Variants in DMRTC2 observed in about 807,000 individuals in gnomAD.
DMRTC2 encodes the protein doublesex- and mab-3-related transcription factor C2.
A neutral mutation model predicts 39.9 loss-of-function variants in DMRTC2; 13 were observed. The observed-to-expected ratio is 0.33, with a 90% CI of 0.21 to 0.52. The LOEUF (loss-of-function observed/expected upper bound fraction) is 0.52, where lower values mean the gene tolerates loss of function less well. DMRTC2 is among the 20% of genes least tolerant of loss of function. The pLI is 0.96. For synonymous variants in DMRTC2, 189 were observed against 185.2 expected (o/e 1.02, Z -0.17); for missense variants, 431 against 472.8 (o/e 0.91, Z 0.82).
At position 41,851,645 on chromosome 19, in the gene DMRTC2, C is replaced by T. The variant is rs782737579; in HGVS notation, c.1053C>T (p.Pro351=). 3.1e-6 allele frequency: 5 copies of T among 1,614,204 alleles called. 1 individual carries two copies. In the South Asian group the frequency reaches 5.5e-5, roughly 18 times the overall value. Residue 351 remains proline (P), a synonymous_variant, in exon 9 of 9, where the codon CCC becomes CCT. Transcript: ENST00000269945. ...VGPCLRPSPA[P]SVALHIGRLG... is the part of the protein sequence containing the mutation. ...CCTGTCTTCGACCCAGCCCAGCCCC[C>T]TCTGTTGCTCTGCATATTGGCCGTC...
intron 6 of DMRTC2, among the ~76,000 whole-genome samples, chr19:41,849,673 A>G (rs928422195): frequency 6.6e-6 from 1 of 152,202 alleles, no homozygotes; most frequent in African/African-American, 2.4e-5. Context: ...AAGCTTCCCA[A>G]AGGTGAGCCA....
rs1385503409 is a variant in DMRTC2 at position 41,846,117 on chromosome 19, A to G, written c.-5+1016A>G. The stretch of plus-strand genomic sequence containing the variant: ...AGGGGTACAAGAACAAAATAAGACT[A>G]AAGGAATGCAAGGAGGCAGTTGCTT... On this transcript the variant is annotated intron_variant, in intron 1 of 8. Coordinates refer to ENST00000269945, the MANE Select transcript of DMRTC2 (RefSeq NM_001040283.3). Among the ~76,000 whole-genome samples the G allele has an allele frequency of 3.3e-5, 5 of 152,226 alleles. No homozygotes were observed. In the East Asian group the frequency reaches 9.6e-4, roughly 29 times the overall value.
Position 41,849,208 on chromosome 19 carries a change from C to T in DMRTC2, c.707C>T (p.Thr236Ile). 3 of 1,614,202 alleles carry T rather than the reference C, an allele frequency of 1.9e-6. No homozygotes were observed. The highest frequency in any genetic ancestry group is 2.5e-6 in the Non-Finnish European group (3 of 1,180,026). ...TTCPGSHPVL[T>I]APLSGEPQGP... ...TGCCCAGGATCTCACCCAGTACTGA[C>T]AGCTCCTCTTTCTGGAGAGCCCCAA... The change falls in exon 6 of 9, where the codon ACA (threonine) becomes ATA (isoleucine). Residue 236 changes from threonine (T) to isoleucine (I), a missense_variant. Coordinates refer to ENST00000269945, the MANE Select transcript of DMRTC2 (RefSeq NM_001040283.3).
intron 3 of DMRTC2, among the ~76,000 whole-genome samples, chr19:41,848,113 T>A (rs782503842): frequency 6.6e-6 from 1 of 152,128 alleles, no homozygotes; most frequent in Non-Finnish European, 1.5e-5. Flanking sequence ...TTTGGGAGGC[T>A]GAGGCAGGCA....
chr19:41,850,656 C>A lies in DMRTC2; in HGVS notation c.947C>A (p.Pro316His). Reference sequence around the variant, plus strand: ...CCTCGTGTGACCCCTTCTGTGCCCCCCAACCCTGCCTGGATCTCCCTGCTT... The same window carrying A: ...CCTCGTGTGACCCCTTCTGTGCCCCACAACCCTGCCTGGATCTCCCTGCTT... Reference protein sequence around the residue: ...QAPRVTPSVPPNPAWISLLHP... With the variant: ...QAPRVTPSVPHNPAWISLLHP... The change falls in exon 8 of 9, where the codon CCC (proline) becomes CAC (histidine). Residue 316 changes from proline (P) to histidine (H), a missense_variant. Pro to His is a moderately conservative substitution (Grantham distance 77). Coordinates refer to ENST00000269945, the MANE Select transcript of DMRTC2 (RefSeq NM_001040283.3). 1.2e-6 allele frequency: 2 copies of A among 1,606,912 alleles called. No homozygotes were observed. The highest frequency in any genetic ancestry group is 2.2e-5 in the South Asian group (2 of 90,288).
At position 41,850,296 on chromosome 19, in the gene DMRTC2, C is replaced by T. The variant is rs2073934956; in HGVS notation, c.756-16C>T. On this transcript the variant is annotated splice_polypyrimidine_tract_variant and intron_variant, in intron 6 of 8. Transcript: ENST00000269945. ...ATCTGTTTAACCACCCTGGCATCTT[C>T]TCTCCTTGTTTCTAGACACTCAACT... The T allele has an allele frequency of 6.7e-7, 1 of 1,484,034 alleles. No individual in the cohort carries two copies. The highest frequency in any genetic ancestry group is 1.5e-5 in the South Asian group (1 of 68,936). 91.9% of individuals were successfully genotyped at this position (1,484,034 alleles called of 1,614,324 possible).
At chr19:41,849,362 G>A (rs1555836850) in intron 6 of DMRTC2, 106 bp downstream of exon 6, 14 of 1,491,136 alleles carry the variant, frequency 9.4e-6, no homozygotes, top group Admixed American at 2.1e-5. Flanking sequence ...AAAGGTCTCT[G>A]ACTAATAGGC....
Position 41,847,551 on chromosome 19 carries a change from C to T in DMRTC2, c.123C>T (p.Thr41=). ...IPRRAISRSP[T]CARCRNHGVT... is the part of the protein sequence containing the mutation. ...GGAGAGCCATCAGCCGCTCTCCAAC[C>T]TGCGCCCGCTGCCGCAACCATGGTG... The change falls in exon 2 of 9, where the codon ACC becomes ACT. Residue 41 remains threonine, a synonymous_variant. Coordinates refer to ENST00000269945, the MANE Select transcript of DMRTC2 (RefSeq NM_001040283.3). The T allele has an allele frequency of 1.2e-6, 2 of 1,614,242 alleles. No individual in the cohort carries two copies. The highest frequency in any genetic ancestry group is 1.1e-5 in the South Asian group (1 of 91,088).
At chr19:41,845,796 C>T (rs1243732528) in intron 1 of DMRTC2, among the ~76,000 whole-genome samples, 1 of 152,112 alleles carries the variant, frequency 6.6e-6, no homozygotes, top group Non-Finnish European at 1.5e-5. Flanking sequence ...TACTGCACTA[C>T]AGCCTGGGCT....
chr19:41,848,998 A>T, intron 5 of DMRTC2, 23 bp downstream of exon 5: 1 of 1,613,804 alleles, frequency 6.2e-7, no homozygotes, highest in Non-Finnish European at 8.5e-7. Context: ...TTCAACATTC[A>T]TTCAACATAT....
chr19:41,850,796 G>A (rs2073945003), intron 8 of DMRTC2, 96 bp downstream of exon 8: 2 of 1,337,976 alleles, frequency 1.5e-6, no homozygotes, highest in Admixed American at 2.9e-5. Context: ...GGGTCGACAG[G>A]TTGAACGTCT....
intron 6 of DMRTC2, 129 bp downstream of exon 6, chr19:41,849,385 T>A (rs1373427657): frequency 7.6e-7 from 1 of 1,318,436 alleles, no homozygotes; most frequent in African/African-American, 1.5e-5. Context: ...GGCAGAGCTC[T>A]CCTAGTACTG....
Position 41,850,269 on chromosome 19 carries a change from T to C in DMRTC2, c.756-43T>C, listed in dbSNP as rs1555836995. On this transcript the variant is annotated intron_variant, in intron 6 of 8. Transcript: ENST00000269945. ...CCTCTTTCAATGTGTGCATGTCTGT[T>C]CATCTGTTTAACCACCCTGGCATCT... 2.1e-6 allele frequency: 3 copies of C among 1,449,676 alleles called. No individual in the cohort carries two copies. The African/African-American group carries it at 4.4e-5, about 21-fold the overall frequency. The allele number at this position is 1,449,676 out of a possible 1,614,324, so 89.8% of individuals were successfully genotyped here.
intron 5 of DMRTC2, 67 bp from the exon 6 acceptor site, chr19:41,849,063 G>A (rs2073914484): frequency 2.5e-6 from 4 of 1,611,684 alleles, no homozygotes; most frequent in Admixed American, 3.3e-5. Context: ...AAGCATAGGT[G>A]GGGAGAGGGA....
At position 41,851,668 on chromosome 19, in the gene DMRTC2, G is replaced by C. The variant is rs550455251; in HGVS notation, c.1076G>C (p.Arg359Pro). Residue 359 changes from arginine to proline, a missense_variant, in exon 9 of 9, where the codon CGT (arginine) becomes CCT (proline). Transcript: ENST00000269945. ...CCCTCTGTTGCTCTGCATATTGGCC[G>C]TCTGGGGTCCATCTCCCTCCTGAGC... is the stretch of plus-strand genomic sequence containing the variant. Reference protein sequence around the residue: ...PAPSVALHIGRLGSISLLS With the variant: ...PAPSVALHIGPLGSISLLS 1.9e-6 allele frequency: 3 copies of C among 1,614,018 alleles called. No homozygotes were observed. Among genetic ancestry groups the C allele is most frequent in the Non-Finnish European group, 2.5e-6 (3 of 1,180,024 alleles).
intron 8 of DMRTC2, 195 bp downstream of exon 8, chr19:41,850,895 C>A: frequency 1.9e-6 from 1 of 516,816 alleles, no homozygotes; most frequent in South Asian, 4.1e-5. Flanking sequence ...GTTTGGCACT[C>A]GACAGCAAAT....
chr19:41,848,677 A>T, intron 4 of DMRTC2, 118 bp from the exon 5 acceptor site: 2 of 1,538,588 alleles, frequency 1.3e-6, no homozygotes, highest in Non-Finnish European at 1.8e-6. Flanking sequence ...AGGCAAAATG[A>T]GGGGAAAACG....
Position 41,851,789 on chromosome 19 carries a change from G to T in DMRTC2, c.*93G>T. On this transcript the variant is annotated 3_prime_UTR_variant, in exon 9 of 9. Transcript: ENST00000269945. ...TGTCTTACTTAAGGATTTATGCATG[G>T]AATTTAATGTAGTACAAGCTTCGGG... 1 of 1,132,464 alleles carries T rather than the reference G, an allele frequency of 8.8e-7. No individual in the cohort carries two copies. 70.2% of individuals were successfully genotyped at this position (1,132,464 alleles called of 1,614,324 possible).
chr19:41,850,434 G>A (rs1555837096), intron 7 of DMRTC2, 62 bp downstream of exon 7: 1 of 1,572,560 alleles, frequency 6.4e-7, no homozygotes, highest in Non-Finnish European at 8.6e-7. Context: ...GAAGGAAAAA[G>A]CAGGAAACTG....
Sources: gnomAD v4.1 joint callset for allele counts (sites outside exome capture counted in the v4.1 genomes callset) on GRCh38, gnomAD v4.1.1 for gene constraint, MANE v1.5 for transcripts, NCBI Gene and HGNC (gene_info 2026-07-23, HGNC 2026-07-21) for gene names.